NDUFS4: variants seen among roughly 807,000 people sequenced by gnomAD.
NDUFS4 encodes NADH:ubiquinone oxidoreductase subunit S4.
NDUFS4 carries 28 observed loss-of-function variants against 24.3 expected under a neutral mutation model. The observed-to-expected ratio is 1.15, with a 90% CI of 0.85 to 1.58. The LOEUF is 1.58. NDUFS4 is among the 40% of genes most tolerant of loss of function. The pLI, the probability that NDUFS4 is intolerant of heterozygous loss-of-function variation, is 0.00. For synonymous variants in NDUFS4, 93 were observed against 69.7 expected, an observed-to-expected ratio of 1.34 and a Z score of -1.67; for missense variants, 223 against 207.9, an observed-to-expected ratio of 1.07 and a Z score of -0.45.
intron 4 of NDUFS4, among the ~76,000 whole-genome samples, chr5:53,665,690 G>A (rs1202045167): frequency 6.6e-6 from 1 of 152,226 alleles, no homozygotes; most frequent in Non-Finnish European, 1.5e-5. Context: ...CAGTATTAGG[G>A]TGGGAGTGAC....
chr5:53,682,595 T>C (rs547447416), intron 4 of NDUFS4, among the ~76,000 whole-genome samples: 88 of 152,176 alleles, frequency 5.8e-4, no homozygotes, highest in African/African-American at 2.1e-3. Context: ...GTCCAGGGGA[T>C]TGAACCAAGT....
At chr5:53,645,547 C>T (rs778582363) in intron 2 of NDUFS4, among the ~76,000 whole-genome samples, 1 of 152,080 alleles carries the variant, frequency 6.6e-6, no homozygotes, top group Non-Finnish European at 1.5e-5. Context: ...ATAGAAAAAT[C>T]GAGTTAAAGT....
chr5:53,660,448 C>T (rs533473394), intron 4 of NDUFS4, among the ~76,000 whole-genome samples: 22 of 152,066 alleles, frequency 1.4e-4, no homozygotes, highest in Admixed American at 4.6e-4. Flanking sequence ...TGAATAGTGC[C>T]GCAGTAAACA....
Position 53,640,215 on chromosome 5 carries a change from G to A in NDUFS4, c.178-6018G>A, listed in dbSNP as rs73754276. ...GTGAAGGATTCTGGCAGGGGTAGAC[G>A]GAAGGATGTTAAAGTAGGAACTTGA... On this transcript the variant is annotated intron_variant, in intron 2 of 4. Coordinates refer to ENST00000296684, the MANE Select transcript of NDUFS4 (RefSeq NM_002495.4). 7.3e-3 allele frequency among the ~76,000 whole-genome samples: 1,106 copies of A among 152,046 alleles called. 14 individuals carry two copies. The highest frequency in any genetic ancestry group is 0.025 in the African/African-American group (1,052 of 41,472).
chr5:53,644,609 C>G (rs1418476023), intron 2 of NDUFS4, among the ~76,000 whole-genome samples: 1 of 151,818 alleles, frequency 6.6e-6, no homozygotes, highest in African/African-American at 2.4e-5. Flanking sequence ...TGAAGTTGAA[C>G]CTGAATATTA....
At chr5:53,647,820 C>T (rs1041862166) in intron 3 of NDUFS4, among the ~76,000 whole-genome samples, 1 of 152,082 alleles carries the variant, frequency 6.6e-6, no homozygotes, top group Non-Finnish European at 1.5e-5. Flanking sequence ...CTGTTGATTA[C>T]TTGGGAGACT....
intron 2 of NDUFS4, among the ~76,000 whole-genome samples, chr5:53,607,478 TAAAA>T (rs1046291014): frequency 6.6e-6 from 1 of 151,494 alleles, no homozygotes; most frequent in African/African-American, 2.4e-5. Context: ...TGAAATTCTG[TAAAA>T]AAAAGAAAAA....
At chr5:53,580,391 T>A (rs1446478558) in intron 1 of NDUFS4, among the ~76,000 whole-genome samples, 1 of 152,244 alleles carries the variant, frequency 6.6e-6, no homozygotes, top group Non-Finnish European at 1.5e-5. Context: ...AGAGATAGTA[T>A]GTGAGTCTCC....
At chr5:53,607,693 A>G (rs1750567577) in intron 2 of NDUFS4, among the ~76,000 whole-genome samples, 1 of 152,224 alleles carries the variant, frequency 6.6e-6, no homozygotes, top group South Asian at 2.1e-4. Context: ...TAAGTAATCA[A>G]GTATGAAAAT....
intron 2 of NDUFS4, among the ~76,000 whole-genome samples, chr5:53,631,672 C>T (rs1242101991): frequency 6.6e-6 from 1 of 152,186 alleles, no homozygotes; most frequent in African/African-American, 2.4e-5. Flanking sequence ...ATTGTTTACA[C>T]TGTAAGGATA....
At chr5:53,570,834 C>T (rs771877755) in intron 1 of NDUFS4, among the ~76,000 whole-genome samples, 1 of 151,808 alleles carries the variant, frequency 6.6e-6, no homozygotes, top group African/African-American at 2.4e-5. Flanking sequence ...CAGGTGCATG[C>T]CACCATGCCC....
intron 3 of NDUFS4, among the ~76,000 whole-genome samples, chr5:53,648,427 T>A (rs965018572): frequency 6.6e-6 from 1 of 152,190 alleles, no homozygotes; most frequent in Admixed American, 6.5e-5. Flanking sequence ...GTAAGATAAT[T>A]TTCCTAAGTA....
At chr5:53,569,068 T>TTTAAA (rs1198439692) in intron 1 of NDUFS4, among the ~76,000 whole-genome samples, 5 of 152,196 alleles carry the variant, frequency 3.3e-5, no homozygotes, top group African/African-American at 1.2e-4. Context: ...AATGTCAGTC[T>TTTAAA]GTCTTGATGA....
chr5:53,605,983 C>T lies in NDUFS4; in HGVS notation c.177+2453C>T, dbSNP rs570734070. Reference sequence around the variant, plus strand: ...GAGCCAAGATTGCGCCACTGCACTCCGGCCTGGGCGATAGAGCGAGACTCC... The same window carrying T: ...GAGCCAAGATTGCGCCACTGCACTCTGGCCTGGGCGATAGAGCGAGACTCC... On this transcript the variant is annotated intron_variant, in intron 2 of 4. Transcript: ENST00000296684. 6.0e-4 allele frequency among the ~76,000 whole-genome samples: 87 copies of T among 145,736 alleles called. 1 individual carries two copies. The highest frequency in any genetic ancestry group is 2.0e-3 in the African/African-American group (79 of 39,042).
intron 4 of NDUFS4, among the ~76,000 whole-genome samples, chr5:53,667,139 A>C (rs527603257): frequency 6.6e-6 from 1 of 152,184 alleles, no homozygotes; most frequent in East Asian, 1.9e-4. Context: ...TGGAAGGAAG[A>C]TCTAAATAAA....
intron 1 of NDUFS4, among the ~76,000 whole-genome samples, chr5:53,568,051 A>C (rs562089694): frequency 2.0e-5 from 3 of 152,244 alleles, no homozygotes; most frequent in African/African-American, 4.8e-5. Flanking sequence ...TTTTTCTTTT[A>C]ATAACAGAGC....
Position 53,644,166 on chromosome 5 carries a change from C to T in NDUFS4, c.178-2067C>T, listed in dbSNP as rs566161901. 1.2e-3 allele frequency among the ~76,000 whole-genome samples: 189 copies of T among 152,138 alleles called. 1 individual carries two copies. The highest frequency in any genetic ancestry group is 3.9e-3 in the South Asian group (19 of 4,824). On this transcript the variant is annotated intron_variant, in intron 2 of 4. Coordinates refer to ENST00000296684, the MANE Select transcript of NDUFS4 (RefSeq NM_002495.4). ...TAATCACTTTGGCATATATGCATCA[C>T]AGTATAGAAGTAGGTAAAGTAAAAG...
chr5:53,679,709 A>G lies in NDUFS4; in HGVS notation c.425-3409A>G, dbSNP rs374983004. On this transcript the variant is annotated intron_variant, in intron 4 of 4. Transcript: ENST00000296684. The stretch of plus-strand genomic sequence containing the variant: ...GGTTTGTGTTTGTGTGTATATTACT[A>G]TTTCCTAGATATTTGAGTGCTTTCT... Among the ~76,000 whole-genome samples the G allele has an allele frequency of 1.4e-4, 22 of 152,182 alleles. No individual in the cohort carries two copies. The East Asian group carries it at 2.1e-3, about 15-fold the overall frequency.
Position 53,560,685 on chromosome 5 carries a change from T to G in NDUFS4, c.23T>G (p.Val8Gly). Residue 8 changes from valine to glycine, a missense_variant, in exon 1 of 5, where the codon GTG becomes GGG. By Grantham distance (109) the Val-to-Gly change is moderately radical (BLOSUM62 -3). Coordinates refer to ENST00000296684, the MANE Select transcript of NDUFS4 (RefSeq NM_002495.4). MAAVSMS[V>G]VLRQTLWRRR... ...AAGATGGCGGCGGTGTCAATGTCAG[T>G]GGTACTGAGGCAGACGTTGTGGCGG... 2 of 1,614,248 alleles carry G rather than the reference T, an allele frequency of 1.2e-6. No individual in the cohort carries two copies. The highest frequency in any genetic ancestry group is 2.2e-5 in the South Asian group (2 of 91,088).
Sources: allele counts gnomAD v4.1 joint callset (sites outside exome capture counted in the v4.1 genomes callset), GRCh38; gene constraint gnomAD v4.1.1; transcripts MANE v1.5; gene names NCBI Gene and HGNC (gene_info 2026-07-23, HGNC 2026-07-21).